NEDD9: variants seen among roughly 807,000 people sequenced by gnomAD.
NEDD9 encodes enhancer of filamentation 1.
A neutral mutation model predicts 76.6 loss-of-function variants in NEDD9; 26 were observed. The ratio of observed to expected loss-of-function variants is 0.34; its 90% CI spans 0.25 to 0.47. The LOEUF is 0.47. NEDD9 is among the 20% of genes least tolerant of loss of function. NEDD9 has a pLI of 1.00. For synonymous variants in NEDD9, 392 were observed against 414.2 expected, an observed-to-expected ratio of 0.95 and a Z score of 0.65; for missense variants, 937 against 1,058.5, an observed-to-expected ratio of 0.89 and a Z score of 1.59.
intron 2 of NEDD9, among the ~76,000 whole-genome samples, chr6:11,319,967 A>G (rs1761749284): frequency 6.6e-6 from 1 of 152,158 alleles, no homozygotes; most frequent in Non-Finnish European, 1.5e-5. Flanking sequence ...AATAGAAGAG[A>G]GGAAAAAAAT....
At chr6:11,256,520 T>G (rs1379527671) in intron 3 of NEDD9, among the ~76,000 whole-genome samples, 1 of 152,224 alleles carries the variant, frequency 6.6e-6, no homozygotes, top group Non-Finnish European at 1.5e-5. Context: ...GAGACAGGTC[T>G]CACTCTGTCA....
At chr6:11,224,002 G>A (rs1264285039) in intron 1 of NEDD9, among the ~76,000 whole-genome samples, 5 of 152,156 alleles carry the variant, frequency 3.3e-5, no homozygotes, top group Admixed American at 2.6e-4. Context: ...CTCCCAGGCA[G>A]TCCCCAGGTT....
intron 2 of NEDD9, among the ~76,000 whole-genome samples, chr6:11,324,456 G>T (rs1219615044): frequency 6.6e-6 from 1 of 152,158 alleles, no homozygotes; most frequent in African/African-American, 2.4e-5. Context: ...CACCCCACGT[G>T]CAGGGCCAGC....
At chr6:11,272,324 A>G (rs16871188) in intron 3 of NEDD9, among the ~76,000 whole-genome samples, 12,480 of 152,290 alleles carry the variant, frequency 0.082, 600 homozygotes, top group Middle Eastern at 0.15. Context: ...GGGGCGACTC[A>G]GTACAAGATG....
intron 1 of NEDD9, among the ~76,000 whole-genome samples, chr6:11,337,012 A>G (rs1334496239): frequency 6.6e-6 from 1 of 152,132 alleles, no homozygotes. Flanking sequence ...TGAGGTCAGG[A>G]GTACGAGACC....
intron 3 of NEDD9, among the ~76,000 whole-genome samples, chr6:11,305,639 A>G (rs1761165183): frequency 6.6e-6 from 1 of 152,214 alleles, no homozygotes; most frequent in Non-Finnish European, 1.5e-5. Context: ...AGAACTGGCT[A>G]TTTCCAAACG....
chr6:11,346,487 C>A (rs950512718), intron 1 of NEDD9, among the ~76,000 whole-genome samples: 12 of 151,744 alleles, frequency 7.9e-5, no homozygotes, highest in Non-Finnish European at 1.5e-4. Context: ...GCCCCCCCCC[C>A]CGAGGTGAGT....
At chr6:11,186,537 T>C (rs746575781) in intron 6 of NEDD9, among the ~76,000 whole-genome samples, 4 of 152,238 alleles carry the variant, frequency 2.6e-5, no homozygotes, top group Non-Finnish European at 4.4e-5. Context: ...ATCTCCCACC[T>C]GGACGTAGGG....
chr6:11,262,497 T>C (rs1043397450), intron 3 of NEDD9, among the ~76,000 whole-genome samples: 2 of 152,156 alleles, frequency 1.3e-5, no homozygotes, highest in Non-Finnish European at 2.9e-5. Context: ...AGGGAAAACA[T>C]AGGCTTTGTT....
intron 2 of NEDD9, among the ~76,000 whole-genome samples, chr6:11,311,473 C>G (rs1761364317): frequency 6.6e-6 from 1 of 152,178 alleles, no homozygotes; most frequent in African/African-American, 2.4e-5. Flanking sequence ...TTAAGCCCTG[C>G]AGTCTGTGGT....
In NEDD9 at chr6:11,334,916, C is replaced by T. The variant is rs565909246; in HGVS notation, c.-213-355G>A. On this transcript the variant is annotated intron_variant, in intron 1 of 3. Transcript: ENST00000397378. ...GGTTCAAGAAGTTTTGCAAAGAGGA[C>T]GAGAGCCTTAAAGATGAGGAGTGTG... Among the ~76,000 whole-genome samples the T allele has an allele frequency of 2.3e-4, 35 of 152,208 alleles. No homozygotes were observed. The South Asian group carries it at 2.5e-3, about 11-fold the overall frequency.
intron 3 of NEDD9, chr6:11,305,262 C>T (rs755148542): frequency 8.1e-6 from 5 of 614,762 alleles, no homozygotes; most frequent in Non-Finnish European, 1.2e-5. Context: ...ATTTCATCCT[C>T]TGAACAATCT....
intron 1 of NEDD9, among the ~76,000 whole-genome samples, chr6:11,339,800 C>A (rs1331971789): frequency 6.6e-6 from 1 of 152,174 alleles, no homozygotes. Flanking sequence ...TAGAACCTTT[C>A]TTAAATTCTC....
intron 1 of NEDD9, among the ~76,000 whole-genome samples, chr6:11,346,174 G>A (rs1036854987): frequency 6.6e-6 from 1 of 152,202 alleles, no homozygotes; most frequent in African/African-American, 2.4e-5. Context: ...CAGCACTGGG[G>A]ACAGTGTCTG....
Position 11,339,042 on chromosome 6 carries a change from G to A in NEDD9, c.-213-4481C>T, listed in dbSNP as rs556076000. Reference sequence around the variant, plus strand: ...GGTGCATATACAAATAAATTCAAAAGATATAGACTGAAACATAAGTCTCCT... The same window carrying A: ...GGTGCATATACAAATAAATTCAAAAAATATAGACTGAAACATAAGTCTCCT... On this transcript the variant is annotated intron_variant, in intron 1 of 3. Transcript: ENST00000397378. Among the ~76,000 whole-genome samples, 5 of 150,806 alleles carry A rather than the reference G, an allele frequency of 3.3e-5. No homozygotes were observed. In the South Asian group the frequency reaches 8.4e-4, roughly 25 times the overall value.
At chr6:11,293,400 C>T (rs4713348) in intron 3 of NEDD9, among the ~76,000 whole-genome samples, 46,535 of 151,968 alleles carry the variant, frequency 0.31, 8,037 homozygotes, top group African/African-American at 0.47. Context: ...CAAATATTTT[C>T]GAGTTTTTAA....
chr6:11,277,993 T>A (rs1760450137), intron 3 of NEDD9, among the ~76,000 whole-genome samples: 2 of 152,186 alleles, frequency 1.3e-5, no homozygotes, highest in Admixed American at 1.3e-4. Context: ...TCTCACTGGA[T>A]CCAGCCAGCG....
chr6:11,271,539 A>T (rs773100655), intron 3 of NEDD9: 3 of 152,282 alleles, frequency 2.0e-5, no homozygotes, highest in Non-Finnish European at 4.4e-5. Context: ...CAGTAGGTTC[A>T]GTCTAAGCAG....
At chr6:11,216,299 G>T (rs1758951912) in intron 1 of NEDD9, among the ~76,000 whole-genome samples, 1 of 152,242 alleles carries the variant, frequency 6.6e-6, no homozygotes, top group Non-Finnish European at 1.5e-5. Context: ...AGGAGTATGA[G>T]TTATTTAATA....
Sources: gnomAD v4.1 joint callset for allele counts (sites outside exome capture counted in the v4.1 genomes callset) on GRCh38, gnomAD v4.1.1 for gene constraint, MANE v1.5 for transcripts, NCBI Gene and HGNC (gene_info 2026-07-23, HGNC 2026-07-21) for gene names.